SUPT3H: variants seen among roughly 807,000 people sequenced by gnomAD.
The protein encoded by SUPT3H is SPT3 homolog, SAGA and STAGA complex component, also known as transcription initiation protein SPT3 homolog.
Under a neutral mutation model 44.3 loss-of-function variants are expected in SUPT3H, and 44 were observed. The ratio of observed to expected loss-of-function variants is 0.99; its 90% CI spans 0.78 to 1.28. The LOEUF (loss-of-function observed/expected upper bound fraction) is 1.28, where lower values mean the gene tolerates loss of function less well. Ranked by LOEUF, SUPT3H falls within the 50% of genes most tolerant of loss-of-function variation. The probability of loss-of-function intolerance (pLI) is 0.00; values close to 1 mark genes in which losing one functional copy is unlikely to be tolerated. For missense variants in SUPT3H, 380 were observed against 387.1 expected (o/e 0.98, Z 0.15); for synonymous variants, 124 against 125.6 (o/e 0.99, Z 0.09).
intron 6 of SUPT3H, among the ~76,000 whole-genome samples, chr6:44,967,808 G>C (rs1776979146): frequency 6.6e-6 from 1 of 151,818 alleles, no homozygotes; most frequent in African/African-American, 2.4e-5. Context: ...TTTCTTTTTT[G>C]AGACAGGGTC....
At chr6:45,019,653 A>T (rs892860925) in intron 4 of SUPT3H, among the ~76,000 whole-genome samples, 1 of 151,932 alleles carries the variant, frequency 6.6e-6, no homozygotes, top group African/African-American at 2.4e-5. Flanking sequence ...CTTTAGATGC[A>T]CATTATTTGA....
At chr6:45,288,581 ATG>A (rs1562882614) in intron 2 of SUPT3H, among the ~76,000 whole-genome samples, 1,454 of 60,422 alleles carry the variant, frequency 0.024, 46 homozygotes, top group East Asian at 0.04. Context: ...ATATATATAT[ATG>A]TATATATATA....
intron 2 of SUPT3H, among the ~76,000 whole-genome samples, chr6:45,156,881 A>T (rs2153599009): frequency 6.6e-6 from 1 of 152,178 alleles, no homozygotes; most frequent in East Asian, 1.9e-4. Context: ...ATGATTTAGT[A>T]CCATAATTTT....
At position 45,209,550 on chromosome 6, in the gene SUPT3H, T is replaced by C. The variant is rs188997242; in HGVS notation, c.102-103544A>G. On this transcript the variant is annotated intron_variant, in intron 2 of 10. Coordinates refer to ENST00000371459, the MANE Select transcript of SUPT3H (RefSeq NM_003599.4). Reference sequence around the variant, plus strand: ...AGTAGAGCCTGTTGTGTGACTAAAGTGCTGCAATCTCATGATCAAACTTGA... The same window carrying C: ...AGTAGAGCCTGTTGTGTGACTAAAGCGCTGCAATCTCATGATCAAACTTGA... Among the ~76,000 whole-genome samples, 657 of 152,354 alleles carry C rather than the reference T, an allele frequency of 4.3e-3. 2 individuals are homozygous for C. Among genetic ancestry groups the C allele is most frequent in the Non-Finnish European group, 7.3e-3 (498 of 68,022 alleles).
In SUPT3H at chr6:45,136,832, A is replaced by G. The variant is rs147030548; in HGVS notation, c.102-30826T>C. ...ACACAAGTGTACCAATGTGCATATA[A>G]CAGAGTCTCAGAAGGAGAAGAAAAA... On this transcript the variant is annotated intron_variant, in intron 2 of 10. Coordinates refer to ENST00000371459, the MANE Select transcript of SUPT3H (RefSeq NM_003599.4). Among the ~76,000 whole-genome samples the G allele has an allele frequency of 8.1e-3, 1,231 of 152,272 alleles. 12 individuals carry two copies. Among genetic ancestry groups the G allele is most frequent in the Non-Finnish European group, 0.011 (726 of 67,990 alleles).
intron 6 of SUPT3H, among the ~76,000 whole-genome samples, chr6:44,971,932 C>G (rs1486652051): frequency 6.6e-6 from 1 of 151,184 alleles, no homozygotes; most frequent in Non-Finnish European, 1.5e-5. Context: ...GCCACCACAC[C>G]CGGCTAATTT....
intron 10 of SUPT3H, among the ~76,000 whole-genome samples, chr6:44,881,445 T>C (rs1186654690): frequency 6.6e-6 from 1 of 152,120 alleles, no homozygotes; most frequent in African/African-American, 2.4e-5. Context: ...AGTGGGAGAC[T>C]TTAACACCCC....
chr6:45,214,425 C>CA (rs796686422), intron 2 of SUPT3H, among the ~76,000 whole-genome samples: 81 of 139,952 alleles, frequency 5.8e-4, no homozygotes, highest in African/African-American at 8.7e-4. Flanking sequence ...GAATTACATA[C>CA]AAAAAAAAAT....
At chr6:45,285,830 C>A (rs1054222640) in intron 2 of SUPT3H, among the ~76,000 whole-genome samples, 18 of 152,168 alleles carry the variant, frequency 1.2e-4, no homozygotes, top group African/African-American at 4.1e-4. Flanking sequence ...CATCACACTA[C>A]CTGACTTCAA....
intron 2 of SUPT3H, among the ~76,000 whole-genome samples, chr6:45,277,859 G>A (rs1173344773): frequency 6.6e-6 from 1 of 152,048 alleles, no homozygotes; most frequent in Admixed American, 6.6e-5. Context: ...ACAACTAAAT[G>A]TTGATTTCAT....
intron 6 of SUPT3H, among the ~76,000 whole-genome samples, chr6:44,987,630 A>T (rs1780000634): frequency 6.6e-6 from 1 of 152,166 alleles, no homozygotes; most frequent in Non-Finnish European, 1.5e-5. Context: ...GAGGAAATGT[A>T]ACCTCTTTTG....
intron 2 of SUPT3H, among the ~76,000 whole-genome samples, chr6:45,295,148 G>T (rs1780937742): frequency 1.3e-5 from 2 of 151,874 alleles, no homozygotes; most frequent in Admixed American, 1.3e-4. Flanking sequence ...TAGAAAAACA[G>T]GCACATAGAC....
At chr6:45,220,498 C>T (rs1382293152) in intron 2 of SUPT3H, among the ~76,000 whole-genome samples, 1 of 152,100 alleles carries the variant, frequency 6.6e-6, no homozygotes, top group Non-Finnish European at 1.5e-5. Flanking sequence ...TGCTTTACCT[C>T]TAAAATTAGT....
Position 45,178,790 on chromosome 6 carries a change from C to A in SUPT3H, c.102-72784G>T, listed in dbSNP as rs535605763. Among the ~76,000 whole-genome samples, 21 of 152,244 alleles carry A rather than the reference C, an allele frequency of 1.4e-4. 1 individual carries two copies. Among genetic ancestry groups the A allele is most frequent in the African/African-American group, 5.1e-4 (21 of 41,532 alleles). On this transcript the variant is annotated intron_variant, in intron 2 of 10. Transcript: ENST00000371459. ...TCAAAAGCGCTCAAGTACATGGAAA[C>A]TGAACAACCTGCTCCTGAATGACTA... is the stretch of plus-strand genomic sequence containing the variant.
At chr6:45,003,274 T>C (rs1200080736) in intron 6 of SUPT3H, among the ~76,000 whole-genome samples, 1 of 152,162 alleles carries the variant, frequency 6.6e-6, no homozygotes, top group Non-Finnish European at 1.5e-5. Context: ...ACACTATATA[T>C]GCCAACATAA....
At chr6:45,224,135 AAT>A (rs559183609) in intron 2 of SUPT3H, among the ~76,000 whole-genome samples, 4 of 150,578 alleles carry the variant, frequency 2.7e-5, no homozygotes, top group Non-Finnish European at 1.5e-5. Flanking sequence ...AGACAAACAT[AAT>A]ATATATATAT....
chr6:45,171,985 G>C (rs1810872922), intron 2 of SUPT3H, among the ~76,000 whole-genome samples: 1 of 151,392 alleles, frequency 6.6e-6, no homozygotes, highest in Non-Finnish European at 1.5e-5. Flanking sequence ...CAAAGTGCTG[G>C]GATTACATGC....
chr6:45,193,777 G>C (rs1815536093), intron 2 of SUPT3H, among the ~76,000 whole-genome samples: 1 of 152,096 alleles, frequency 6.6e-6, no homozygotes. Context: ...TCAATCAGTA[G>C]AGTCACACCA....
At chr6:45,101,460 A>C (rs1172278146) in intron 3 of SUPT3H, among the ~76,000 whole-genome samples, 1 of 152,186 alleles carries the variant, frequency 6.6e-6, no homozygotes, top group Non-Finnish European at 1.5e-5. Flanking sequence ...ATCTCATAAT[A>C]GTAGAGAATA....
Sources: allele counts gnomAD v4.1 joint callset (sites outside exome capture counted in the v4.1 genomes callset), GRCh38; gene constraint gnomAD v4.1.1; transcripts MANE v1.5; gene names NCBI Gene and HGNC (gene_info 2026-07-23, HGNC 2026-07-21).